RIMS2: variants seen among roughly 807,000 people sequenced by gnomAD.
The protein encoded by RIMS2 is regulating synaptic membrane exocytosis 2, also known as regulating synaptic membrane exocytosis protein 2.
In RIMS2, 59 loss-of-function variants were observed where a neutral mutation model predicts 174.4. The observed-to-expected ratio is 0.34, with a 90% CI of 0.27 to 0.42. RIMS2 has a LOEUF of 0.42. RIMS2 is among the 10% of genes least tolerant of loss of function. RIMS2 has a pLI of 1.00. For synonymous variants in RIMS2, 606 were observed against 572.5 expected (o/e 1.06, Z -0.84); for missense variants, 1,620 against 1,666.3 (o/e 0.97, Z 0.48).
chr8:104,033,206 C>A (rs2096438131), intron 19 of RIMS2, among the ~76,000 whole-genome samples: 1 of 151,554 alleles, frequency 6.6e-6, no homozygotes, highest in Admixed American at 6.6e-5. Flanking sequence ...TTTTTCAAAT[C>A]TTCAGTTCAT....
chr8:103,839,012 C>T (rs958114688), intron 3 of RIMS2, among the ~76,000 whole-genome samples: 2 of 152,146 alleles, frequency 1.3e-5, no homozygotes, highest in Non-Finnish European at 2.9e-5. Context: ...TTGCAGTGAG[C>T]CAAGATCGCG....
At position 103,673,531 on chromosome 8, in the gene RIMS2, A is replaced by G. The variant is rs776753488; in HGVS notation, c.177-23555A>G. Among the ~76,000 whole-genome samples the G allele has an allele frequency of 2.8e-4, 42 of 152,348 alleles. No individual in the cohort carries two copies. The Middle Eastern group carries it at 0.014, about 49-fold the overall frequency. On this transcript the variant is annotated intron_variant, in intron 1 of 23. Transcript: ENST00000504942. The stretch of plus-strand genomic sequence containing the variant: ...GAAGCTGCCAAGACTCATGGCTTGC[A>G]TTCTTCAAAGTGTCAGCTCAAGCTG...
chr8:103,707,112 T>A (rs2097241569), intron 2 of RIMS2, among the ~76,000 whole-genome samples: 1 of 152,188 alleles, frequency 6.6e-6, no homozygotes, highest in Non-Finnish European at 1.5e-5. Flanking sequence ...AGCTCCAGGA[T>A]TTGTTTAATT....
chr8:103,540,280 C>T lies in RIMS2; in HGVS notation c.176+39218C>T, dbSNP rs62527071. On this transcript the variant is annotated intron_variant, in intron 1 of 23. Transcript: ENST00000504942. ...GGGACCCCTTTAGTCACAACTTCCT[C>T]GGTGGGAGAAAAAGAAATTGGGTGG... is the stretch of plus-strand genomic sequence containing the variant. 6.1e-3 allele frequency among the ~76,000 whole-genome samples: 923 copies of T among 152,276 alleles called. 14 individuals carry two copies. Among genetic ancestry groups the T allele is most frequent in the Non-Finnish European group, 7.4e-3 (501 of 68,022 alleles).
intron 19 of RIMS2, among the ~76,000 whole-genome samples, chr8:104,047,317 T>C (rs2096712066): frequency 6.6e-6 from 1 of 152,136 alleles, no homozygotes; most frequent in Non-Finnish European, 1.5e-5. Flanking sequence ...CTGTTTTACC[T>C]ATGCCTATCA....
At position 103,689,966 on chromosome 8, in the gene RIMS2, T is replaced by C. The variant is rs2096995044; in HGVS notation, c.177-7120T>C. On this transcript the variant is annotated intron_variant, in intron 1 of 23. Coordinates refer to ENST00000504942, the Ensembl canonical transcript of RIMS2. Reference sequence around the variant, plus strand: ...TTCAGCTACTCCATGTGTCTTTTTTTTTTTTTTTCTTTGAGATGGAGTCTT... The same window carrying C: ...TTCAGCTACTCCATGTGTCTTTTTTCTTTTTTTTCTTTGAGATGGAGTCTT... Among the ~76,000 whole-genome samples the C allele has an allele frequency of 3.3e-5, 5 of 151,294 alleles. No individual in the cohort carries two copies. In the South Asian group the frequency reaches 6.3e-4, roughly 19 times the overall value.
intron 2 of RIMS2, among the ~76,000 whole-genome samples, chr8:103,740,012 C>T (rs546644667): frequency 6.6e-6 from 1 of 152,056 alleles, no homozygotes; most frequent in Admixed American, 6.6e-5. Context: ...TAAATATGAA[C>T]CTTGTCCCAG....
chr8:103,999,981 G>T (rs1271890876), intron 17 of RIMS2, among the ~76,000 whole-genome samples: 1 of 151,698 alleles, frequency 6.6e-6, no homozygotes, highest in Non-Finnish European at 1.5e-5. Flanking sequence ...CCACAAGCAA[G>T]TTATCAAATA....
At chr8:103,812,721 G>T (rs2098696643) in intron 3 of RIMS2, among the ~76,000 whole-genome samples, 1 of 151,916 alleles carries the variant, frequency 6.6e-6, no homozygotes, top group Admixed American at 6.6e-5. Flanking sequence ...TCCTCCTTTT[G>T]TTAGGAATTC....
chr8:104,154,597 G>T (rs188554868), intron 19 of RIMS2, among the ~76,000 whole-genome samples: 8 of 152,320 alleles, frequency 5.3e-5, no homozygotes, highest in Non-Finnish European at 2.9e-5. Flanking sequence ...GAGGGAGAGA[G>T]AATCAAAGAA....
chr8:103,760,460 A>G (rs2098097724), intron 2 of RIMS2, among the ~76,000 whole-genome samples: 1 of 152,218 alleles, frequency 6.6e-6, no homozygotes, highest in South Asian at 2.1e-4. Context: ...ATATGAGCCA[A>G]TGTGTCTACT....
At chr8:103,731,612 G>A (rs1475890840) in intron 2 of RIMS2, among the ~76,000 whole-genome samples, 3 of 152,030 alleles carry the variant, frequency 2.0e-5, no homozygotes, top group Non-Finnish European at 4.4e-5. Context: ...AAATCTTGTA[G>A]TCCTGCTTTA....
intron 3 of RIMS2, among the ~76,000 whole-genome samples, chr8:103,799,469 T>C (rs571493977): frequency 6.7e-4 from 102 of 152,318 alleles, no homozygotes; most frequent in African/African-American, 2.4e-3. Flanking sequence ...TGCAAGACTT[T>C]GTAGTCTGTC....
At chr8:104,052,162 T>A (rs371260627) in intron 19 of RIMS2, among the ~76,000 whole-genome samples, 2 of 152,180 alleles carry the variant, frequency 1.3e-5, no homozygotes, top group East Asian at 3.9e-4. Context: ...GTATATTGAT[T>A]GTGGTGAGTT....
intron 19 of RIMS2, among the ~76,000 whole-genome samples, chr8:104,170,277 C>T (rs560527193): frequency 5.3e-5 from 8 of 151,938 alleles, no homozygotes; most frequent in South Asian, 2.1e-4. Context: ...TTGGAGTGAC[C>T]GCCTATTATT....
At chr8:104,146,665 G>A (rs1443173125) in intron 19 of RIMS2, among the ~76,000 whole-genome samples, 2 of 152,044 alleles carry the variant, frequency 1.3e-5, no homozygotes, top group Admixed American at 1.3e-4. Flanking sequence ...AGTAGATTAG[G>A]TGGTTCTTTA....
At chr8:103,934,899 A>G (rs1432552253) in intron 12 of RIMS2, among the ~76,000 whole-genome samples, 1 of 151,996 alleles carries the variant, frequency 6.6e-6, no homozygotes. Flanking sequence ...GGGTTTCACC[A>G]TGTTGGCCAG....
At chr8:103,614,800 T>C (rs1470188991) in intron 1 of RIMS2, among the ~76,000 whole-genome samples, 1 of 152,268 alleles carries the variant, frequency 6.6e-6, no homozygotes, top group East Asian at 1.9e-4. Flanking sequence ...AGAAGTCGCA[T>C]GAAATTAACA....
chr8:103,788,059 G>A (rs986691738), intron 3 of RIMS2, among the ~76,000 whole-genome samples: 32 of 149,968 alleles, frequency 2.1e-4, no homozygotes, highest in African/African-American at 6.9e-4. Context: ...CCAGTTGATC[G>A]CATTGGCTCC....
Sources: gnomAD v4.1 joint callset for allele counts (sites outside exome capture counted in the v4.1 genomes callset) on GRCh38, gnomAD v4.1.1 for gene constraint, MANE v1.5 for transcripts, NCBI Gene and HGNC (gene_info 2026-07-23, HGNC 2026-07-21) for gene names.